The following VPS35L variants were observed in gnomAD, a reference collection of about 807,000 sequenced individuals.
VPS35L encodes the protein VPS35 endosomal protein-sorting factor-like.
A neutral mutation model predicts 133.0 loss-of-function variants in VPS35L; 83 were observed. The observed-to-expected ratio is 0.62, with a 90% CI of 0.52 to 0.75. The LOEUF is 0.75. Among genes scored for constraint, VPS35L ranks in the 30% least tolerant of loss-of-function variants. The pLI is 0.00. For missense variants in VPS35L, 1,083 were observed against 1,206.8 expected (o/e 0.90, Z 1.52); for synonymous variants, 423 against 449.9 (o/e 0.94, Z 0.76).
At position 19,578,809 on chromosome 16, in the gene VPS35L, G is replaced by A. The variant is rs79932160; in HGVS notation, c.434-243G>A. 1.8e-4 allele frequency: 97 copies of A among 531,632 alleles called. 1 individual carries two copies. The highest frequency in any genetic ancestry group is 2.3e-4 in the Non-Finnish European group (69 of 294,010). 32.9% of individuals were successfully genotyped at this position (531,632 alleles called of 1,614,324 possible). A position where few individuals can be genotyped will look rare whatever the true frequency, so the allele number is the denominator to read the frequency against. ...AGAGCAAAGTTTGTAAATCTCAAAT[G>A]CAGCGGTTAACCTCTTTGAGGCTGG... On this transcript the variant is annotated intron_variant, in intron 5 of 30. Coordinates refer to ENST00000417362, the MANE Select transcript of VPS35L (RefSeq NM_020314.7).
chr16:19,666,927 T>TCTTTCTTTCTTTCTTCCTTTCTTC (rs1974699235), intron 26 of VPS35L, among the ~76,000 whole-genome samples: 34 of 62,902 alleles, frequency 5.4e-4, no homozygotes, highest in African/African-American at 1.2e-3. Context: ...TTTCTTTCTT[T>TCTTTCTTTCTTTCTTCCTTTCTTC]CTTTCTTCCT....
At chr16:19,640,169 C>A in intron 21 of VPS35L, 69 bp downstream of exon 21, 1 of 1,448,724 alleles carries the variant, frequency 6.9e-7, no homozygotes, top group South Asian at 1.2e-5. Context: ...GATAAAAAAT[C>A]AGTTCTTGCA....
intron 22 of VPS35L, among the ~76,000 whole-genome samples, chr16:19,643,914 T>C (rs1187757247): frequency 7.2e-5 from 11 of 152,092 alleles, no homozygotes; most frequent in Admixed American, 7.2e-4. Flanking sequence ...TCCAAGATCA[T>C]GCCATTGCAC....
intron 8 of VPS35L, among the ~76,000 whole-genome samples, chr16:19,594,610 C>T (rs1283787867): frequency 7.9e-6 from 1 of 126,636 alleles, no homozygotes; most frequent in African/African-American, 3.0e-5. Flanking sequence ...CGCTGCTGCA[C>T]TCCAGCCTGT....
chr16:19,693,473 T>G (rs1004982458), intron 29 of VPS35L, among the ~76,000 whole-genome samples: 1 of 151,208 alleles, frequency 6.6e-6, no homozygotes, highest in African/African-American at 2.4e-5. Flanking sequence ...AGATCCTGTC[T>G]CTATTAAAAA....
At chr16:19,623,391 T>A (rs1973146218) in intron 14 of VPS35L, among the ~76,000 whole-genome samples, 1 of 152,184 alleles carries the variant, frequency 6.6e-6, no homozygotes, top group African/African-American at 2.4e-5. Context: ...ATCCTTGCTG[T>A]CTCTTCCTAT....
intron 28 of VPS35L, among the ~76,000 whole-genome samples, chr16:19,689,868 AG>A (rs969739773): frequency 1.3e-5 from 2 of 152,146 alleles, no homozygotes; most frequent in Non-Finnish European, 2.9e-5. Flanking sequence ...CCCAAGGATA[AG>A]GGGGCATTAT....
rs548078414 is a variant in VPS35L, at chr16:19,634,411, C to G, written c.1635+1239C>G. Among the ~76,000 whole-genome samples the G allele has an allele frequency of 8.0e-5, 10 of 125,062 alleles. No individual in the cohort carries two copies. In the East Asian group the frequency reaches 2.3e-3, roughly 28 times the overall value. The allele number at this position is 125,062 out of a possible 152,430, so 82.0% of individuals were successfully genotyped here. On this transcript the variant is annotated intron_variant, in intron 19 of 30. Coordinates refer to ENST00000417362, the MANE Select transcript of VPS35L (RefSeq NM_020314.7). ...CTCCAGCCCGGGTGAGAGAGAGACA[C>G]GGTCTCAAAAAAAAAAAAAAAAAAC...
Position 19,566,003 on chromosome 16 carries a change from A to C in VPS35L, c.117+1053A>C, listed in dbSNP as rs186341073. Among the ~76,000 whole-genome samples the C allele has an allele frequency of 4.4e-4, 67 of 152,284 alleles. No homozygotes were observed. In the South Asian group the frequency reaches 5.2e-3, roughly 12 times the overall value. Reference sequence around the variant, plus strand: ...AAGTAATAGAAACTACACGGTTGTCATGTTGGGGAGAAGAGAAGATGTGAT... The same window carrying C: ...AAGTAATAGAAACTACACGGTTGTCCTGTTGGGGAGAAGAGAAGATGTGAT... On this transcript the variant is annotated intron_variant, in intron 2 of 30. Transcript: ENST00000417362.
At chr16:19,671,468 CAA>C (rs36049125) in intron 27 of VPS35L, among the ~76,000 whole-genome samples, 83 of 134,202 alleles carry the variant, frequency 6.2e-4, no homozygotes, top group African/African-American at 5.8e-4. Flanking sequence ...GACTCCATCT[CAA>C]AAAAAAAAAA....
chr16:19,615,796 G>A (rs1198000234), intron 12 of VPS35L, among the ~76,000 whole-genome samples: 1 of 151,476 alleles, frequency 6.6e-6, no homozygotes, highest in Non-Finnish European at 1.5e-5. Flanking sequence ...GTGAAACCCT[G>A]TCTCTACTAA....
chr16:19,668,149 T>C (rs1010561122), intron 26 of VPS35L, among the ~76,000 whole-genome samples: 8 of 152,224 alleles, frequency 5.3e-5, no homozygotes, highest in African/African-American at 1.7e-4. Context: ...TCTGGTGTGC[T>C]GGCCGGTGTT....
chr16:19,694,872 G>A (rs1159501382), intron 29 of VPS35L, among the ~76,000 whole-genome samples: 1 of 152,114 alleles, frequency 6.6e-6, no homozygotes, highest in Admixed American at 6.5e-5. Context: ...CGGGCGTGGT[G>A]GCACATGCCT....
At position 19,558,892 on chromosome 16, in the gene VPS35L, C is replaced by T. The variant is rs144678429; in HGVS notation, c.17+3146C>T. On this transcript the variant is annotated intron_variant, in intron 1 of 30. Coordinates refer to ENST00000417362, the MANE Select transcript of VPS35L (RefSeq NM_020314.7). ...GAGCTGAGATCGCGCCACTGCACTC[C>T]AGCCTGGATGACACAGTGAGACTCC... 6.7e-3 allele frequency among the ~76,000 whole-genome samples: 1,002 copies of T among 150,132 alleles called. 11 individuals are homozygous for T. The highest frequency in any genetic ancestry group is 0.014 in the Middle Eastern group (4 of 292).
At chr16:19,666,527 T>G (rs1974667978) in intron 26 of VPS35L, among the ~76,000 whole-genome samples, 2 of 152,214 alleles carry the variant, frequency 1.3e-5, no homozygotes, top group Admixed American at 6.6e-5. Context: ...AAAAATCTGC[T>G]TTGGAACCCT....
At chr16:19,592,620 C>CA (rs2151529235) in intron 8 of VPS35L, among the ~76,000 whole-genome samples, 1 of 152,038 alleles carries the variant, frequency 6.6e-6, no homozygotes, top group South Asian at 2.1e-4. Context: ...GTCCAGTCAC[C>CA]AGATTCTTCG....
intron 1 of VPS35L, among the ~76,000 whole-genome samples, chr16:19,559,295 C>T (rs865952114): frequency 1.3e-5 from 2 of 152,132 alleles, no homozygotes; most frequent in African/African-American, 2.4e-5. Flanking sequence ...TATTTCAGCC[C>T]GCCCAGGTGA....
intron 26 of VPS35L, among the ~76,000 whole-genome samples, chr16:19,663,006 A>T (rs547002565): frequency 2.0e-5 from 3 of 149,804 alleles, no homozygotes; most frequent in East Asian, 1.9e-4. Context: ...AAATAATAAT[A>T]ATTATAATGA....
Position 19,619,561 on chromosome 16 carries a change from CT to C in VPS35L, c.1224+2762del, listed in dbSNP as rs559541952. Among the ~76,000 whole-genome samples the C allele has an allele frequency of 3.3e-5, 5 of 151,142 alleles. No homozygotes were observed. In the South Asian group the frequency reaches 1.0e-3, roughly 32 times the overall value. The stretch of plus-strand genomic sequence containing the variant: ...GGATTGACGTGGTGAAATGAGAACG[CT>C]TTTTTTTTCTTATTTTAGCGAAAGG... On this transcript the variant is annotated intron_variant, in intron 14 of 30. Transcript: ENST00000417362.
Sources: allele counts gnomAD v4.1 joint callset (sites outside exome capture counted in the v4.1 genomes callset), GRCh38; gene constraint gnomAD v4.1.1; transcripts MANE v1.5; gene names NCBI Gene and HGNC (gene_info 2026-07-23, HGNC 2026-07-21).